CCSER1: variants seen among roughly 807,000 people sequenced by gnomAD.
CCSER1 encodes the protein serine-rich coiled-coil domain-containing protein 1.
A neutral mutation model predicts 82.0 loss-of-function variants in CCSER1; 41 were observed. The ratio of observed to expected loss-of-function variants is 0.50; its 90% CI spans 0.39 to 0.65. CCSER1 has a LOEUF of 0.65. Among genes scored for constraint, CCSER1 ranks in the 30% least tolerant of loss-of-function variants. CCSER1 has a pLI of 0.00. For synonymous variants in CCSER1, 414 were observed against 383.9 expected (o/e 1.08, Z -0.92); for missense variants, 1,119 against 1,064.2 (o/e 1.05, Z -0.72).
At chr4:91,370,530 A>C (rs1354527341) in intron 10 of CCSER1, among the ~76,000 whole-genome samples, 1 of 151,952 alleles carries the variant, frequency 6.6e-6, no homozygotes, top group Non-Finnish European at 1.5e-5. Flanking sequence ...CCCTGTCTCT[A>C]CTAAAAATAT....
At chr4:91,582,967 TAGC>T (rs1401809668) in intron 10 of CCSER1, among the ~76,000 whole-genome samples, 1 of 151,438 alleles carries the variant, frequency 6.6e-6, no homozygotes, top group South Asian at 2.1e-4. Context: ...GAGCTAAAGA[TAGC>T]AAACTGAATG....
intron 8 of CCSER1, among the ~76,000 whole-genome samples, chr4:90,830,229 A>G (rs1433364343): frequency 2.0e-5 from 3 of 152,172 alleles, no homozygotes; most frequent in Non-Finnish European, 4.4e-5. Context: ...ACTATGTGTC[A>G]ATATTATGCT....
intron 9 of CCSER1, among the ~76,000 whole-genome samples, chr4:91,047,493 T>C (rs961164877): frequency 1.3e-5 from 2 of 152,188 alleles, no homozygotes; most frequent in Admixed American, 1.3e-4. Flanking sequence ...GCAAAATTTA[T>C]GACAAATTAC....
At chr4:91,463,063 A>T (rs1756606326) in intron 10 of CCSER1, among the ~76,000 whole-genome samples, 1 of 152,164 alleles carries the variant, frequency 6.6e-6, no homozygotes, top group African/African-American at 2.4e-5. Context: ...TGCCTCCTCA[A>T]GTGGGTCCCT....
intron 9 of CCSER1, among the ~76,000 whole-genome samples, chr4:90,928,690 T>C (rs1729361463): frequency 1.3e-5 from 2 of 152,126 alleles, no homozygotes; most frequent in Admixed American, 6.5e-5. Flanking sequence ...AGTTTGAGAT[T>C]TGAGACTTAA....
At chr4:91,487,792 T>A (rs1758300017) in intron 10 of CCSER1, among the ~76,000 whole-genome samples, 2 of 152,012 alleles carry the variant, frequency 1.3e-5, no homozygotes, top group African/African-American at 4.8e-5. Context: ...CATTATACAT[T>A]ATACATAACA....
At chr4:91,042,622 T>G (rs1173708188) in intron 9 of CCSER1, among the ~76,000 whole-genome samples, 1 of 152,228 alleles carries the variant, frequency 6.6e-6, no homozygotes, top group Non-Finnish European at 1.5e-5. Flanking sequence ...TGCTTTTTTC[T>G]TCTGTGTTGC....
chr4:90,213,208 G>A (rs1740363086), intron 1 of CCSER1, among the ~76,000 whole-genome samples: 1 of 152,110 alleles, frequency 6.6e-6, no homozygotes, highest in African/African-American at 2.4e-5. Context: ...GAGTCATAAG[G>A]AATTGCTAGA....
At chr4:91,118,413 T>C (rs1726816863) in intron 10 of CCSER1, among the ~76,000 whole-genome samples, 1 of 151,332 alleles carries the variant, frequency 6.6e-6, no homozygotes, top group African/African-American at 2.4e-5. Flanking sequence ...TACCTAGGAC[T>C]ACAGGTACAC....
chr4:90,407,371 C>G (rs1415441213), intron 4 of CCSER1, among the ~76,000 whole-genome samples: 1 of 152,008 alleles, frequency 6.6e-6, no homozygotes, highest in Non-Finnish European at 1.5e-5. Flanking sequence ...TAAAAACTGT[C>G]AACAAAAAAA....
chr4:90,840,205 A>ACC (rs1762404631), intron 8 of CCSER1, among the ~76,000 whole-genome samples: 1 of 152,116 alleles, frequency 6.6e-6, no homozygotes, highest in South Asian at 2.1e-4. Context: ...GAAAAATTTT[A>ACC]AATAGTTCTA....
chr4:90,340,316 C>T (rs1196540533), intron 3 of CCSER1, among the ~76,000 whole-genome samples: 1 of 152,164 alleles, frequency 6.6e-6, no homozygotes, highest in East Asian at 1.9e-4. Flanking sequence ...CGTTGATTTA[C>T]ATTTACCCTC....
At chr4:90,781,105 G>T in intron 7 of CCSER1, 1 of 199,420 alleles carries the variant, frequency 5.0e-6, no homozygotes, top group Non-Finnish European at 9.0e-6. Context: ...TCACTATCCG[G>T]AAGACAGCAC....
intron 5 of CCSER1, among the ~76,000 whole-genome samples, chr4:90,565,693 C>T (rs1409809158): frequency 1.3e-5 from 2 of 152,122 alleles, no homozygotes; most frequent in African/African-American, 4.8e-5. Context: ...CCGTACCTAA[C>T]TTGTTGAGAG....
chr4:90,141,463 T>G (rs1327693780), intron 1 of CCSER1, among the ~76,000 whole-genome samples: 2 of 152,244 alleles, frequency 1.3e-5, no homozygotes, highest in East Asian at 3.8e-4. Context: ...AGTGTATACA[T>G]TTTCTTTGGT....
intron 7 of CCSER1, among the ~76,000 whole-genome samples, chr4:90,782,817 G>A (rs1753979802): frequency 6.6e-6 from 1 of 151,464 alleles, no homozygotes; most frequent in African/African-American, 2.4e-5. Flanking sequence ...GAGTAGCTGG[G>A]ACTACAGGTG....
At chr4:90,543,619 C>G (rs1043707155) in intron 5 of CCSER1, among the ~76,000 whole-genome samples, 1 of 152,120 alleles carries the variant, frequency 6.6e-6, no homozygotes, top group Middle Eastern at 3.2e-3. Context: ...TGCAGCAGAG[C>G]TGAGGACCTT....
At chr4:90,959,554 T>C (rs1169735748) in intron 9 of CCSER1, among the ~76,000 whole-genome samples, 1 of 152,182 alleles carries the variant, frequency 6.6e-6, no homozygotes, top group African/African-American at 2.4e-5. Context: ...TTAAGGGATT[T>C]ATAAGTCTTA....
intron 10 of CCSER1, among the ~76,000 whole-genome samples, chr4:91,259,765 A>C (rs1300350276): frequency 6.6e-6 from 1 of 152,176 alleles, no homozygotes; most frequent in Non-Finnish European, 1.5e-5. Context: ...TGCAGAGGAC[A>C]TTAACTCATC....
Sources: gnomAD v4.1 joint callset for allele counts (sites outside exome capture counted in the v4.1 genomes callset) on GRCh38, gnomAD v4.1.1 for gene constraint, MANE v1.5 for transcripts, NCBI Gene and HGNC (gene_info 2026-07-23, HGNC 2026-07-21) for gene names.